The following LYPD8 variants were observed in gnomAD, a reference collection of about 807,000 sequenced individuals.
LYPD8 encodes ly6/PLAUR domain-containing protein 8.
A neutral mutation model predicts 1.7 loss-of-function variants in LYPD8; 8 were observed. The observed-to-expected ratio is 4.58, with a 90% CI of 2.69 to 8.27. LYPD8 has a LOEUF of 8.27. LYPD8 is among the 30% of genes most tolerant of loss of function. The pLI is 0.00. For missense variants in LYPD8, 112 were observed against 102.3 expected (o/e 1.09, Z -0.41); for synonymous variants, 50 against 43.6 (o/e 1.15, Z -0.58).
chr1:248,752,464 A>C (rs961407302), intron 2 of LYPD8, among the ~76,000 whole-genome samples: 1 of 149,736 alleles, frequency 6.7e-6, no homozygotes, highest in Non-Finnish European at 1.5e-5. Context: ...GGAAGCCCCT[A>C]CTCCCACCTC....
At chr1:248,753,309 C>A (rs1223969447) in intron 2 of LYPD8, among the ~76,000 whole-genome samples, 10 of 118,376 alleles carry the variant, frequency 8.4e-5, no homozygotes, top group East Asian at 5.9e-4. Context: ...CACCACACAC[C>A]CCACACAACA....
intron 4 of LYPD8, among the ~76,000 whole-genome samples, chr1:248,748,785 G>T (rs1221398879): frequency 6.6e-6 from 1 of 152,058 alleles, no homozygotes; most frequent in East Asian, 1.9e-4. Flanking sequence ...CAGACATGAC[G>T]AGCCTTATGT....
intron 6 of LYPD8, among the ~76,000 whole-genome samples, chr1:248,742,683 G>A (rs1662632056): frequency 1.4e-5 from 1 of 71,126 alleles, no homozygotes; most frequent in African/African-American, 6.6e-5. Context: ...GGGAGATTAC[G>A]CTCTGGTGGG....
chr1:248,755,364 G>A lies in LYPD8; in HGVS notation c.-175C>T, dbSNP rs1662904478. 2 of 152,246 alleles carry A rather than the reference G, an allele frequency of 1.3e-5. No individual in the cohort carries two copies. Among genetic ancestry groups the A allele is most frequent in the South Asian group, 4.1e-4 (2 of 4,832 alleles). The allele number at this position is 152,246 out of a possible 1,614,324, so 9.4% of individuals were successfully genotyped here. A position where few individuals can be genotyped will look rare whatever the true frequency, so the allele number is the denominator to read the frequency against. The stretch of plus-strand genomic sequence containing the variant: ...GCTATAATTGCTGTCATCTTCCACA[G>A]AGAAAGCTGGAGCCTAGAGAGGCTG... On this transcript the variant is annotated 5_prime_UTR_variant, in exon 2 of 7. Transcript: ENST00000590317.
chr1:248,754,455 C>T (rs1662891910), intron 2 of LYPD8, among the ~76,000 whole-genome samples: 2 of 147,656 alleles, frequency 1.4e-5, no homozygotes, highest in Non-Finnish European at 1.5e-5. Context: ...CAAACAAACC[C>T]CACACACACC....
Position 248,739,766 on chromosome 1 carries a change from T to G in LYPD8, c.559A>C (p.Thr187Pro). ...TTTCGAAAGATGACTCCTCCAAGAG[T>G]CTTGTTTTCACCAGACAGGAACTGA... ...TCQFLSGENKTLGGVIFRKFE... is the reference protein window; with the variant it reads ...TCQFLSGENKPLGGVIFRKFE... Residue 187 changes from threonine to proline, a missense_variant, in exon 7 of 7, where the codon ACT (threonine) becomes CCT (proline). Transcript: ENST00000590317. The surrounding 1 kb of genome is among the most constrained non-coding windows in gnomAD (Gnocchi z 4.3). 3 of 1,551,554 alleles carry G rather than the reference T, an allele frequency of 1.9e-6. No individual in the cohort carries two copies. Among genetic ancestry groups the G allele is most frequent in the Non-Finnish European group, 2.6e-6 (3 of 1,146,986 alleles).
intron 6 of LYPD8, among the ~76,000 whole-genome samples, chr1:248,744,386 C>T (rs1291437514): frequency 6.6e-6 from 1 of 152,254 alleles, no homozygotes; most frequent in African/African-American, 2.4e-5. Flanking sequence ...CCACCCAGGG[C>T]ATCACTGGTA....
intron 2 of LYPD8, among the ~76,000 whole-genome samples, chr1:248,753,780 ACACAT>A (rs1662878013): frequency 6.8e-6 from 1 of 148,078 alleles, no homozygotes; most frequent in South Asian, 2.1e-4. Flanking sequence ...CACACACACC[ACACAT>A]CACATGTCAT....
intron 5 of LYPD8, among the ~76,000 whole-genome samples, chr1:248,746,498 T>C (rs878978608): frequency 0.78 from 119,286 of 152,172 alleles, 50,176 homozygotes; most frequent in South Asian, 0.94. Flanking sequence ...GAAAGGAGAA[T>C]GGTTGAAAAA....
chr1:248,741,779 C>T (rs1326190170), intron 6 of LYPD8, among the ~76,000 whole-genome samples: 1 of 152,140 alleles, frequency 6.6e-6, no homozygotes, highest in Non-Finnish European at 1.5e-5. Flanking sequence ...ATCATAGCAG[C>T]TTAGACATCC....
At chr1:248,742,046 A>G (rs1553283401) in intron 6 of LYPD8, among the ~76,000 whole-genome samples, 1 of 152,208 alleles carries the variant, frequency 6.6e-6, no homozygotes, top group South Asian at 2.1e-4. Context: ...ATCATTCTAC[A>G]TTTGTCCAAA....
intron 6 of LYPD8, among the ~76,000 whole-genome samples, chr1:248,744,618 C>T (rs141361465): frequency 0.051 from 4,947 of 96,810 alleles, 66 homozygotes; most frequent in East Asian, 0.18. Context: ...ATGTGGATCT[C>T]ACAATGGGTA....
At chr1:248,742,067 A>G (rs1025307650) in intron 6 of LYPD8, among the ~76,000 whole-genome samples, 6 of 152,244 alleles carry the variant, frequency 3.9e-5, no homozygotes, top group Admixed American at 1.3e-4. Context: ...CTCATGGAAT[A>G]TACAACACCA....
At chr1:248,743,886 C>T (rs1553283817) in intron 6 of LYPD8, among the ~76,000 whole-genome samples, 1 of 152,240 alleles carries the variant, frequency 6.6e-6, no homozygotes, top group African/African-American at 2.4e-5. Flanking sequence ...AGAAGGAGCG[C>T]ATGGCCTGGA....
chr1:248,748,509 G>A, intron 4 of LYPD8, 56 bp from the exon 5 acceptor site: 1 of 399,676 alleles, frequency 2.5e-6, no homozygotes, highest in East Asian at 3.6e-5. Flanking sequence ...GTGTGGGGAG[G>A]GTGGAGACCC....
intron 2 of LYPD8, among the ~76,000 whole-genome samples, chr1:248,752,082 G>A (rs1011003442): frequency 6.6e-6 from 1 of 152,058 alleles, no homozygotes; most frequent in Non-Finnish European, 1.5e-5. Context: ...CCCTATACAC[G>A]GTCGCTGTGA....
chr1:248,743,580 C>G (rs1347294368), intron 6 of LYPD8, among the ~76,000 whole-genome samples: 1 of 152,104 alleles, frequency 6.6e-6, no homozygotes. Flanking sequence ...ATAATTGACA[C>G]TTAACAAATA....
chr1:248,751,522 T>G (rs1441652303), intron 2 of LYPD8, among the ~76,000 whole-genome samples: 1 of 152,176 alleles, frequency 6.6e-6, no homozygotes, highest in Non-Finnish European at 1.5e-5. Context: ...AGTCTCTCAC[T>G]GCATCCATAT....
At chr1:248,753,155 CCA>C (rs1662851207) in intron 2 of LYPD8, among the ~76,000 whole-genome samples, 2 of 101,316 alleles carry the variant, frequency 2.0e-5, no homozygotes, top group African/African-American at 3.9e-5. Flanking sequence ...CACAAACACC[CCA>C]CACACCACAC....
Sources: allele counts gnomAD v4.1 joint callset (sites outside exome capture counted in the v4.1 genomes callset), GRCh38; gene constraint gnomAD v4.1.1; non-coding constraint Gnocchi (gnomAD v3.1); transcripts MANE v1.5; gene names NCBI Gene and HGNC (gene_info 2026-07-23, HGNC 2026-07-21).